Variants in CDH13 observed in about 807,000 individuals in gnomAD.
The protein encoded by CDH13 is cadherin-13.
Under a neutral mutation model 63.8 loss-of-function variants are expected in CDH13, and 24 were observed. The ratio of observed to expected loss-of-function variants is 0.38; its 90% confidence interval spans 0.27 to 0.53. The LOEUF (loss-of-function observed/expected upper bound fraction) is 0.53, where lower values mean the gene tolerates loss of function less well. CDH13 is among the 20% of genes least tolerant of loss of function. The pLI, the probability that CDH13 is intolerant of heterozygous loss-of-function variation, is 0.85. For missense variants in CDH13, 1,049 were observed against 903.1 expected, an observed-to-expected ratio of 1.16 and a Z score of -2.07; for synonymous variants, 503 against 355.3, an observed-to-expected ratio of 1.42 and a Z score of -4.67.
chr16:83,233,294 A>G (rs2040054883), intron 5 of CDH13, among the ~76,000 whole-genome samples: 1 of 151,986 alleles, frequency 6.6e-6, no homozygotes, highest in Non-Finnish European at 1.5e-5. Flanking sequence ...TTACCCTCTC[A>G]CCCAGTGACG....
intron 7 of CDH13, among the ~76,000 whole-genome samples, chr16:83,553,093 A>G (rs1017923277): frequency 1.3e-5 from 2 of 151,770 alleles, no homozygotes; most frequent in African/African-American, 2.4e-5. Flanking sequence ...AAAAAAAAAA[A>G]AGTGACTGTG....
intron 1 of CDH13, among the ~76,000 whole-genome samples, chr16:82,803,747 C>G (rs918325117): frequency 2.0e-5 from 3 of 151,468 alleles, no homozygotes; most frequent in Non-Finnish European, 4.4e-5. Context: ...CTGCAGGATT[C>G]CACTTATATG....
At chr16:83,247,565 C>G (rs1905097149) in intron 5 of CDH13, among the ~76,000 whole-genome samples, 1 of 152,112 alleles carries the variant, frequency 6.6e-6, no homozygotes, top group Admixed American at 6.5e-5. Flanking sequence ...TCCCCACCCT[C>G]ATGAAATCCT....
intron 1 of CDH13, among the ~76,000 whole-genome samples, chr16:82,731,706 A>T (rs181546838): frequency 6.6e-5 from 10 of 152,374 alleles, no homozygotes; most frequent in Admixed American, 5.9e-4. Flanking sequence ...GAAAAAAATC[A>T]ACAAAAGCAT....
chr16:82,937,396 C>G (rs974085927), intron 2 of CDH13, among the ~76,000 whole-genome samples: 2 of 151,998 alleles, frequency 1.3e-5, no homozygotes, highest in Non-Finnish European at 2.9e-5. Flanking sequence ...GTGTCTCTCT[C>G]TGTGTCTCAC....
At chr16:82,763,711 C>T (rs2034942244) in intron 1 of CDH13, among the ~76,000 whole-genome samples, 1 of 152,160 alleles carries the variant, frequency 6.6e-6, no homozygotes, top group African/African-American at 2.4e-5. Context: ...GAAACAGAGT[C>T]TCACTATTAT....
rs148950038 is a variant in CDH13 at position 82,910,769 on chromosome 16, T to C, written c.157+52296T>C. ...ACAGTGTTTAAAAGGATTACCTTTTTGGTTTTGGAGGTGCAGATTTAGAGA... is the reference window on the plus strand; with the variant it reads ...ACAGTGTTTAAAAGGATTACCTTTTCGGTTTTGGAGGTGCAGATTTAGAGA... On this transcript the variant is annotated intron_variant, in intron 2 of 13. Coordinates refer to ENST00000567109, the MANE Select transcript of CDH13 (RefSeq NM_001257.5). Among the ~76,000 whole-genome samples, 397 of 152,338 alleles carry C rather than the reference T, an allele frequency of 2.6e-3. 2 individuals carry two copies. Among genetic ancestry groups the C allele is most frequent in the African/African-American group, 8.8e-3 (368 of 41,588 alleles).
At chr16:83,005,290 G>C (rs1913369352) in intron 2 of CDH13, among the ~76,000 whole-genome samples, 1 of 152,090 alleles carries the variant, frequency 6.6e-6, no homozygotes, top group Admixed American at 6.6e-5. Flanking sequence ...TGGAAAATAG[G>C]GAATTTTTCT....
intron 3 of CDH13, among the ~76,000 whole-genome samples, chr16:83,060,519 T>C (rs1377863368): frequency 6.6e-6 from 1 of 152,148 alleles, no homozygotes; most frequent in African/African-American, 2.4e-5. Flanking sequence ...TTAACTCATG[T>C]CATATTGCCT....
intron 2 of CDH13, among the ~76,000 whole-genome samples, chr16:82,936,304 C>T (rs983110585): frequency 2.0e-5 from 3 of 152,162 alleles, no homozygotes; most frequent in African/African-American, 4.8e-5. Flanking sequence ...TTCCCATGCC[C>T]TTACCATCTG....
At position 83,181,143 on chromosome 16, in the gene CDH13, G is replaced by A. The variant is rs1183293931; in HGVS notation, c.484-36202G>A. The A allele has an allele frequency of 8.4e-6, 7 of 830,188 alleles. 1 individual carries two copies. The Admixed American group carries it at 1.2e-4, about 15-fold the overall frequency. The allele number at this position is 830,188 out of a possible 1,614,324, so 51.4% of individuals were successfully genotyped here. Reference sequence around the variant, plus strand: ...TGGGATAGAAATGTGTAGACAGAGAGTCAGAAGTCATCACATCTACTGAAG... The same window carrying A: ...TGGGATAGAAATGTGTAGACAGAGAATCAGAAGTCATCACATCTACTGAAG... On this transcript the variant is annotated intron_variant, in intron 4 of 13. Coordinates refer to ENST00000567109, the MANE Select transcript of CDH13 (RefSeq NM_001257.5).
At chr16:83,058,192 C>T (rs1348847884) in intron 3 of CDH13, among the ~76,000 whole-genome samples, 1 of 152,076 alleles carries the variant, frequency 6.6e-6, no homozygotes, top group African/African-American at 2.4e-5. Context: ...GTGACCTTAG[C>T]CCCTCTCCTT....
intron 6 of CDH13, among the ~76,000 whole-genome samples, chr16:83,433,247 A>G (rs189217534): frequency 6.6e-5 from 10 of 152,336 alleles, no homozygotes; most frequent in Admixed American, 5.2e-4. Flanking sequence ...GAATTAGTCC[A>G]TGACTATTTG....
chr16:83,010,643 G>C (rs1039716457), intron 2 of CDH13, among the ~76,000 whole-genome samples: 10 of 152,108 alleles, frequency 6.6e-5, no homozygotes, highest in Admixed American at 6.6e-5. Flanking sequence ...ACCTCCTTGT[G>C]GGTGAATCTG....
intron 11 of CDH13, among the ~76,000 whole-genome samples, chr16:83,761,381 G>A (rs889406): frequency 0.27 from 41,087 of 152,096 alleles, 5,678 homozygotes; most frequent in Non-Finnish European, 0.31. Flanking sequence ...TCCTTGGCTA[G>A]ATTACATTTC....
chr16:82,727,001 GTTC>G (rs2033133032), intron 1 of CDH13, among the ~76,000 whole-genome samples: 1 of 152,086 alleles, frequency 6.6e-6, no homozygotes, highest in African/African-American at 2.4e-5. Context: ...AACTGCTTTT[GTTC>G]TTCTTCTAAT....
intron 7 of CDH13, among the ~76,000 whole-genome samples, chr16:83,515,966 C>G (rs1193593162): frequency 6.6e-6 from 1 of 152,032 alleles, no homozygotes; most frequent in African/African-American, 2.4e-5. Flanking sequence ...ATCTTGTTAT[C>G]CATGTTCTTT....
intron 11 of CDH13, among the ~76,000 whole-genome samples, chr16:83,749,679 G>C (rs1338727998): frequency 6.6e-6 from 1 of 152,150 alleles, no homozygotes; most frequent in African/African-American, 2.4e-5. Context: ...ACCAGATCTT[G>C]TGCTTGGTCC....
chr16:83,346,049 A>C lies in CDH13; in HGVS notation c.781+1043A>C, dbSNP rs1321415655. On this transcript the variant is annotated intron_variant, in intron 6 of 13. Transcript: ENST00000567109. ...TGCAAGATGCCTAAAACCTCCCGTC[A>C]GCTTCAAGGAGCTGGGTCTTTATGC... Among the ~76,000 whole-genome samples the C allele has an allele frequency of 2.0e-5, 3 of 152,150 alleles. No homozygotes were observed. In the East Asian group the frequency reaches 5.8e-4, roughly 29 times the overall value.
Sources: gnomAD v4.1 joint callset for allele counts (sites outside exome capture counted in the v4.1 genomes callset) on GRCh38, gnomAD v4.1.1 for gene constraint, MANE v1.5 for transcripts, NCBI Gene and HGNC (gene_info 2026-07-23, HGNC 2026-07-21) for gene names.